NDUFAF6: variants seen among roughly 807,000 people sequenced by gnomAD.
NDUFAF6 encodes NADH dehydrogenase (ubiquinone) complex I, assembly factor 6.
In NDUFAF6, 45 loss-of-function variants were observed where a neutral mutation model predicts 40.8. The observed-to-expected ratio is 1.10, with a 90% CI of 0.87 to 1.42. The LOEUF is 1.42. NDUFAF6 is among the 40% of genes most tolerant of loss of function. The probability of loss-of-function intolerance (pLI) is 0.00; values close to 1 mark genes in which losing one functional copy is unlikely to be tolerated. For missense variants in NDUFAF6, 435 were observed against 418.5 expected (o/e 1.04, Z -0.34); for synonymous variants, 185 against 155.9 (o/e 1.19, Z -1.39).
At chr8:95,095,538 C>T (rs1478905823), upstream of NDUFAF6, among the ~76,000 whole-genome samples, 2 of 152,146 alleles carry the variant, frequency 1.3e-5, no homozygotes, top group African/African-American at 4.8e-5. Flanking sequence ...CTTGTTCTGG[C>T]CTGAGGCTGT....
At chr8:94,951,612 G>C (rs1431264622) in intron 2 of NDUFAF6, among the ~76,000 whole-genome samples, 2 of 152,216 alleles carry the variant, frequency 1.3e-5, no homozygotes, top group Non-Finnish European at 2.9e-5. Context: ...AGGAGGGCGT[G>C]CCTCAGGGCA....
chr8:95,001,762 T>C (rs1167346609), intron 2 of NDUFAF6, among the ~76,000 whole-genome samples: 1 of 152,100 alleles, frequency 6.6e-6, no homozygotes, highest in African/African-American at 2.4e-5. Context: ...TGTGGGGAAG[T>C]TGGATACAAT....
At chr8:95,054,547 G>A (rs1456829869) in intron 8 of NDUFAF6, among the ~76,000 whole-genome samples, 2 of 151,642 alleles carry the variant, frequency 1.3e-5, no homozygotes, top group African/African-American at 2.4e-5. Context: ...CGATTCTCCT[G>A]CCTCAGCTTC....
intron 2 of NDUFAF6, among the ~76,000 whole-genome samples, chr8:95,007,202 T>A (rs1827028476): frequency 6.6e-6 from 1 of 152,152 alleles, no homozygotes; most frequent in African/African-American, 2.4e-5. Context: ...CTTCTTTTTT[T>A]TGAGGCTGCT....
At chr8:95,082,082 A>AC (rs1563859318) in intron 2 of NDUFAF6, among the ~76,000 whole-genome samples, 17 of 151,918 alleles carry the variant, frequency 1.1e-4, no homozygotes, top group Admixed American at 8.5e-4. Flanking sequence ...ACAACAAAAA[A>AC]AAAAAAACTC....
chr8:94,921,794 G>C (rs1447835676), intron 1 of NDUFAF6, among the ~76,000 whole-genome samples: 1 of 152,174 alleles, frequency 6.6e-6, no homozygotes, highest in Non-Finnish European at 1.5e-5. Context: ...AGCTCAAATA[G>C]GGCTTCTCAC....
chr8:94,993,521 A>G (rs1826283404), intron 2 of NDUFAF6, among the ~76,000 whole-genome samples: 1 of 152,214 alleles, frequency 6.6e-6, no homozygotes, highest in Non-Finnish European at 1.5e-5. Flanking sequence ...TTCTACTTAT[A>G]CTTTCTTGGA....
intron 1 of NDUFAF6, among the ~76,000 whole-genome samples, chr8:94,975,636 T>G (rs1467032252): frequency 1.3e-5 from 2 of 152,022 alleles, no homozygotes; most frequent in Non-Finnish European, 2.9e-5. Context: ...AGAGGACAGG[T>G]GGGAGGAAAG....
chr8:95,002,218 C>T (rs1246957526), intron 2 of NDUFAF6, among the ~76,000 whole-genome samples: 1 of 152,130 alleles, frequency 6.6e-6, no homozygotes, highest in Non-Finnish European at 1.5e-5. Flanking sequence ...ATAAAAATAT[C>T]TTTTGCTGTC....
Position 95,058,370 on chromosome 8 carries a change from G to C in NDUFAF6, c.*433G>C, listed in dbSNP as rs1234297119. 9.7e-6 allele frequency: 12 copies of C among 1,234,812 alleles called. No homozygotes were observed. Among genetic ancestry groups the C allele is most frequent in the Non-Finnish European group, 1.1e-5 (11 of 989,838 alleles). The allele number at this position is 1,234,812 out of a possible 1,614,324, so 76.5% of individuals were successfully genotyped here. On this transcript the variant is annotated 3_prime_UTR_variant, in exon 9 of 9. Transcript: ENST00000396124. ...TAGGTGTTCAGAACACCTGGAAGATGCATTTATTTAGGGGTCACAAATAGT... is the reference window on the plus strand; with the variant it reads ...TAGGTGTTCAGAACACCTGGAAGATCCATTTATTTAGGGGTCACAAATAGT...
intron 7 of NDUFAF6, among the ~76,000 whole-genome samples, chr8:95,050,194 A>G (rs1259046466): frequency 3.3e-5 from 5 of 152,204 alleles, no homozygotes; most frequent in African/African-American, 1.2e-4. Flanking sequence ...AAGGCACCTA[A>G]GAAATACCGA....
At chr8:95,031,699 A>G (rs1828864960) in intron 1 of NDUFAF6, among the ~76,000 whole-genome samples, 1 of 152,110 alleles carries the variant, frequency 6.6e-6, no homozygotes, top group African/African-American at 2.4e-5. Flanking sequence ...TCCTGGGCTT[A>G]AAGCAGTTCT....
At chr8:95,116,743 T>C (rs1433724661), downstream of NDUFAF6, among the ~76,000 whole-genome samples, 1 of 152,230 alleles carries the variant, frequency 6.6e-6, no homozygotes, top group African/African-American at 2.4e-5. Context: ...ACTGGATTAT[T>C]GTGTTGACAC....
chr8:95,001,395 C>T (rs548491800), intron 2 of NDUFAF6, among the ~76,000 whole-genome samples: 1 of 152,228 alleles, frequency 6.6e-6, no homozygotes, highest in Non-Finnish European at 1.5e-5. Flanking sequence ...ATCCCCACCT[C>T]GAGAGAGCTA....
chr8:94,942,207 C>T lies in NDUFAF6; in HGVS notation c.-935-3276C>T, dbSNP rs544396220. ...GCCCACCACCACATCCGGCTAATTT[C>T]TTTTTTTTTTATTTAGTGGAGACAG... On this transcript the variant is annotated intron_variant, in intron 1 of 14. Coordinates refer to the NDUFAF6 transcript ENST00000396113. Among the ~76,000 whole-genome samples the T allele has an allele frequency of 4.9e-3, 723 of 148,782 alleles. 9 individuals are homozygous for T. The highest frequency in any genetic ancestry group is 0.017 in the African/African-American group (694 of 40,642).
At chr8:94,914,103 CTTTT>C (rs563687562) in intron 1 of NDUFAF6, among the ~76,000 whole-genome samples, 1 of 98,198 alleles carries the variant, frequency 1.0e-5, no homozygotes, top group East Asian at 2.8e-4. Context: ...GACCTTATCT[CTTTT>C]TTTTTTTTTT....
At chr8:94,931,641 G>T (rs1820411675) in intron 1 of NDUFAF6, among the ~76,000 whole-genome samples, 1 of 151,288 alleles carries the variant, frequency 6.6e-6, no homozygotes, top group Non-Finnish European at 1.5e-5. Flanking sequence ...ATTTTAAGAG[G>T]CCACAATAAG....
chr8:95,053,925 C>CTTTT lies in NDUFAF6; in HGVS notation c.873+1719_873+1722dup, dbSNP rs71273448. ...TACAGGTGTGAGCCACCGTGCCCGG[C>CTTTT]TTTTTTTTTTTTTTTTTTTTTTTTT... On this transcript the variant is annotated intron_variant, in intron 8 of 8. Coordinates refer to ENST00000396124, the MANE Select transcript of NDUFAF6 (RefSeq NM_152416.4). Among the ~76,000 whole-genome samples the CTTTT allele has an allele frequency of 2.6e-3, 97 of 37,036 alleles. 3 individuals are homozygous for CTTTT. Among genetic ancestry groups the CTTTT allele is most frequent in the African/African-American group, 7.7e-3 (83 of 10,824 alleles). 24.3% of individuals were successfully genotyped at this position (37,036 alleles called of 152,430 possible).
chr8:94,996,201 G>T (rs577110178), intron 2 of NDUFAF6, among the ~76,000 whole-genome samples: 32 of 152,276 alleles, frequency 2.1e-4, no homozygotes, highest in Middle Eastern at 3.4e-3. Context: ...AGCCTCCAGG[G>T]TCTCCTGACA....
Sources: gnomAD v4.1 joint callset for allele counts (sites outside exome capture counted in the v4.1 genomes callset) on GRCh38, gnomAD v4.1.1 for gene constraint, MANE v1.5 for transcripts, NCBI Gene and HGNC (gene_info 2026-07-23, HGNC 2026-07-21) for gene names.